Variants in VEPH1 observed in about 807,000 individuals in gnomAD.
VEPH1 encodes ventricular zone expressed PH domain containing 1, also known as ventricular zone-expressed PH domain-containing protein homolog 1.
VEPH1 carries 80 observed loss-of-function variants against 85.2 expected under a neutral mutation model. The ratio of observed to expected loss-of-function variants is 0.94; its 90% CI spans 0.78 to 1.13. VEPH1 has a LOEUF of 1.13. VEPH1 is among the 50% of genes most tolerant of loss of function. The pLI is 0.00. For missense variants in VEPH1, 955 were observed against 980.5 expected (o/e 0.97, Z 0.35); for synonymous variants, 297 against 348.0 (o/e 0.85, Z 1.63).
intron 2 of VEPH1, among the ~76,000 whole-genome samples, chr3:157,481,156 A>G (rs943646709): frequency 2.0e-5 from 3 of 151,894 alleles, no homozygotes; most frequent in Non-Finnish European, 4.4e-5. Flanking sequence ...TGTTTTTTGC[A>G]TGTCGAATTG....
At chr3:157,269,405 G>C (rs1487454437) in intron 12 of VEPH1, among the ~76,000 whole-genome samples, 1 of 152,006 alleles carries the variant, frequency 6.6e-6, no homozygotes, top group Non-Finnish European at 1.5e-5. Context: ...ATCAGCCCTA[G>C]GGGAAAAAAA....
In VEPH1 at chr3:157,265,507, AGAT is replaced by A; in HGVS notation, c.2265+16_2265+18del. 1 of 1,608,740 alleles carries A rather than the reference AGAT, an allele frequency of 6.2e-7. No homozygotes were observed. Among genetic ancestry groups the A allele is most frequent in the Non-Finnish European group, 8.5e-7 (1 of 1,176,866 alleles). On this transcript the variant is annotated intron_variant, in intron 13 of 13. Coordinates refer to ENST00000362010, the MANE Select transcript of VEPH1 (RefSeq NM_001167912.2). The stretch of plus-strand genomic sequence containing the variant: ...AAAACCTTAAAAATGCAAGTGTAAA[AGAT>A]GATGGAGGAACTTACAGACTTTCCT...
At chr3:157,421,587 C>T (rs927607390) in intron 5 of VEPH1, among the ~76,000 whole-genome samples, 3 of 152,178 alleles carry the variant, frequency 2.0e-5, no homozygotes, top group Non-Finnish European at 4.4e-5. Context: ...CCTTTCTCCA[C>T]ATTTCCTTCC....
intron 6 of VEPH1, among the ~76,000 whole-genome samples, chr3:157,396,521 G>A (rs570478143): frequency 2.6e-5 from 4 of 152,112 alleles, no homozygotes; most frequent in Non-Finnish European, 5.9e-5. Flanking sequence ...CGCCACACTG[G>A]CTTCTACAAT....
At position 157,496,629 on chromosome 3, in the gene VEPH1, GA is replaced by G. The variant is rs140854220; in HGVS notation, c.-157-1124del. 8.9e-3 allele frequency among the ~76,000 whole-genome samples: 1,353 copies of G among 152,290 alleles called. 40 individuals carry two copies. The highest frequency in any genetic ancestry group is 0.061 in the Admixed American group (931 of 15,290). ...CTGAATGGTTTGCCAGAAAGAGTGT[GA>G]AAAGGGAGAGGAGAATCTATTGTTT... is the stretch of plus-strand genomic sequence containing the variant. On this transcript the variant is annotated intron_variant, in intron 1 of 13. Coordinates refer to ENST00000362010, the MANE Select transcript of VEPH1 (RefSeq NM_001167912.2).
chr3:157,402,044 G>T (rs887839334), intron 6 of VEPH1, among the ~76,000 whole-genome samples: 2 of 152,048 alleles, frequency 1.3e-5, no homozygotes, highest in Non-Finnish European at 2.9e-5. Context: ...TCTTAACAAT[G>T]GTTTAATCTT....
chr3:157,454,838 T>A (rs1419852224), intron 4 of VEPH1, among the ~76,000 whole-genome samples: 34 of 152,208 alleles, frequency 2.2e-4, no homozygotes, highest in Admixed American at 2.2e-3. Context: ...TTCCCACTTA[T>A]AAGTGAAAAC....
At chr3:157,354,277 G>C (rs12634689) in intron 9 of VEPH1, among the ~76,000 whole-genome samples, 33,431 of 151,830 alleles carry the variant, frequency 0.22, 4,527 homozygotes, top group Admixed American at 0.42. Context: ...AGAATGAGTG[G>C]TCATCTCAAA....
intron 11 of VEPH1, among the ~76,000 whole-genome samples, chr3:157,303,468 T>C (rs1719066212): frequency 6.6e-6 from 1 of 152,238 alleles, no homozygotes; most frequent in African/African-American, 2.4e-5. Flanking sequence ...ACCATGATTT[T>C]GCTGTGATTA....
chr3:157,322,976 A>G (rs1484652675), intron 9 of VEPH1, among the ~76,000 whole-genome samples: 1 of 152,218 alleles, frequency 6.6e-6, no homozygotes, highest in Non-Finnish European at 1.5e-5. Context: ...ATAAGTTCCA[A>G]TTTGGGGAAA....
intron 2 of VEPH1, among the ~76,000 whole-genome samples, chr3:157,476,652 G>A (rs1737502074): frequency 6.6e-6 from 1 of 152,180 alleles, no homozygotes; most frequent in African/African-American, 2.4e-5. Flanking sequence ...CTAAAACAGT[G>A]ACCACTGCAT....
At chr3:157,371,557 C>T (rs546703874) in intron 7 of VEPH1, among the ~76,000 whole-genome samples, 1 of 152,132 alleles carries the variant, frequency 6.6e-6, no homozygotes, top group East Asian at 1.9e-4. Flanking sequence ...GGTTCTGATC[C>T]CAGATCTACT....
intron 6 of VEPH1, among the ~76,000 whole-genome samples, chr3:157,398,230 C>T (rs546530792): frequency 1.1e-4 from 16 of 152,274 alleles, no homozygotes; most frequent in African/African-American, 3.9e-4. Context: ...CTTGATGGGT[C>T]AGAAAGCACC....
At position 157,428,305 on chromosome 3, in the gene VEPH1, T is replaced by A; in HGVS notation, c.696+17A>T. 6.2e-7 allele frequency: 1 copy of A among 1,613,694 alleles called. No homozygotes were observed. The highest frequency in any genetic ancestry group is 8.5e-7 in the Non-Finnish European group (1 of 1,179,668). ...GCCTGGTTGTGTGCACCATGACATATACAATGTACTTTTTACCTCGAGTTG... is the reference window on the plus strand; with the variant it reads ...GCCTGGTTGTGTGCACCATGACATAAACAATGTACTTTTTACCTCGAGTTG... On this transcript the variant is annotated intron_variant, in intron 5 of 13. Transcript: ENST00000362010.
intron 11 of VEPH1, among the ~76,000 whole-genome samples, chr3:157,287,194 A>G (rs1183161575): frequency 6.6e-6 from 1 of 152,034 alleles, no homozygotes; most frequent in Admixed American, 6.6e-5. Flanking sequence ...GCAACATGGC[A>G]AAACCTCGTC....
At position 157,413,905 on chromosome 3, in the gene VEPH1, A is replaced by G; in HGVS notation, c.882T>C (p.Tyr294=). The change falls in exon 6 of 14, where the codon TAT becomes TAC. Residue 294 remains tyrosine (Y), a synonymous_variant. Coordinates refer to ENST00000362010, the MANE Select transcript of VEPH1 (RefSeq NM_001167912.2). The part of the protein sequence containing the change: ...PYLTGQMARI[Y]GAVGHVDEER... ...CTTCATCCACATGCCCAACAGCTCC[A>G]TAAATCCTTGCCATCTGTCCAGTGA... 1 of 1,613,584 alleles carries G rather than the reference A, an allele frequency of 6.2e-7. No homozygotes were observed. Among genetic ancestry groups the G allele is most frequent in the Non-Finnish European group, 8.5e-7 (1 of 1,179,652 alleles).
chr3:157,442,227 T>G (rs780820202), intron 4 of VEPH1: 48 of 789,024 alleles, frequency 6.1e-5, no homozygotes, highest in Non-Finnish European at 9.0e-5. Context: ...CAGTGGAAGC[T>G]TCTTAAGTCG....
intron 12 of VEPH1, among the ~76,000 whole-genome samples, chr3:157,281,120 CAG>C (rs1716054908): frequency 9.7e-6 from 1 of 102,926 alleles, no homozygotes; most frequent in Non-Finnish European, 2.3e-5. Flanking sequence ...GAGAGAGAGA[CAG>C]AGAAAGACAG....
At chr3:157,317,230 GT>G in intron 9 of VEPH1, 29 bp from the exon 10 acceptor site, 1 of 1,571,538 alleles carries the variant, frequency 6.4e-7, no homozygotes, top group East Asian at 2.3e-5. Context: ...AGCGTTAAAC[GT>G]TATGGTCTTT....
Sources: gnomAD v4.1 joint callset for allele counts (sites outside exome capture counted in the v4.1 genomes callset) on GRCh38, gnomAD v4.1.1 for gene constraint, MANE v1.5 for transcripts, NCBI Gene and HGNC (gene_info 2026-07-23, HGNC 2026-07-21) for gene names.